PPP1R13B: variants seen among roughly 807,000 people sequenced by gnomAD.
PPP1R13B encodes apoptosis-stimulating of p53 protein 1.
Under a neutral mutation model 119.8 loss-of-function variants are expected in PPP1R13B, and 44 were observed. That is an observed-to-expected ratio of 0.37 (90% confidence interval 0.29 to 0.47). The LOEUF (loss-of-function observed/expected upper bound fraction) is 0.47. Ranked by LOEUF, PPP1R13B falls within the 20% of genes least tolerant of loss-of-function variation. The pLI is 0.99. For missense variants in PPP1R13B, 1,227 were observed against 1,413.5 expected (o/e 0.87, Z 2.12); for synonymous variants, 542 against 561.5 (o/e 0.97, Z 0.49).
intron 2 of PPP1R13B, among the ~76,000 whole-genome samples, chr14:103,796,258 G>A (rs2085754748): frequency 6.6e-6 from 1 of 152,050 alleles, no homozygotes; most frequent in South Asian, 2.1e-4. Context: ...TCTCCAGCCT[G>A]GGCAACAGAG....
intron 9 of PPP1R13B, among the ~76,000 whole-genome samples, chr14:103,744,774 G>A (rs1233603714): frequency 1.3e-5 from 2 of 152,218 alleles, no homozygotes; most frequent in Non-Finnish European, 2.9e-5. Flanking sequence ...CTGCCAGGAG[G>A]CTTCACAGCC....
chr14:103,750,253 G>C (rs1053900442), intron 7 of PPP1R13B, among the ~76,000 whole-genome samples: 1 of 152,188 alleles, frequency 6.6e-6, no homozygotes, highest in African/African-American at 2.4e-5. Flanking sequence ...CCACCCCATG[G>C]AGCTGCTTCA....
intron 2 of PPP1R13B, among the ~76,000 whole-genome samples, chr14:103,796,946 G>C (rs1191762934): frequency 6.6e-6 from 1 of 151,096 alleles, no homozygotes; most frequent in Non-Finnish European, 1.5e-5. Flanking sequence ...GAGAGACCAA[G>C]ACTCCATGTC....
At chr14:103,812,156 C>A (rs1447943462) in intron 1 of PPP1R13B, among the ~76,000 whole-genome samples, 2 of 120,754 alleles carry the variant, frequency 1.7e-5, no homozygotes, top group Non-Finnish European at 3.3e-5. Context: ...TCTAGACAGT[C>A]TCTGTCACCC....
At chr14:103,759,385 T>G (rs546855646) in intron 4 of PPP1R13B, 1 of 151,326 alleles carries the variant, frequency 6.6e-6, no homozygotes, top group South Asian at 2.1e-4. Context: ...TCACCCAGGC[T>G]GGGGTACAGT....
chr14:103,745,704 G>A (rs1425521910), intron 9 of PPP1R13B, among the ~76,000 whole-genome samples: 1 of 152,230 alleles, frequency 6.6e-6, no homozygotes, highest in African/African-American at 2.4e-5. Flanking sequence ...CACTTGGCTG[G>A]CTGTAGCCGA....
chr14:103,805,791 T>C (rs142624755), intron 1 of PPP1R13B, among the ~76,000 whole-genome samples: 5 of 152,326 alleles, frequency 3.3e-5, no homozygotes, highest in Non-Finnish European at 7.3e-5. Context: ...CCACATGTTA[T>C]ATGATTCCAT....
Position 103,742,053 on chromosome 14 carries a change from T to C in PPP1R13B, c.1559A>G (p.Gln520Arg), listed in dbSNP as rs781072457. ...PQPGSSQQIQ[Q>R]RISVPPSPTY... Reference sequence around the variant, plus strand: ...GGGACTTGGCGGTACGGAAATCCTCTGCTGAATCTGTTGTGAGGAGCCTGG... The same window carrying C: ...GGGACTTGGCGGTACGGAAATCCTCCGCTGAATCTGTTGTGAGGAGCCTGG... Residue 520 changes from glutamine to arginine, a missense_variant, in exon 11 of 17, where the codon CAG becomes CGG. Physicochemically the swap from Gln to Arg is conservative, Grantham distance 43. Coordinates refer to ENST00000202556, the MANE Select transcript of PPP1R13B (RefSeq NM_015316.3). This position sits in a 1 kb window ranked among gnomAD's most constrained non-coding sequence, Gnocchi z 4.9. 5.6e-6 allele frequency: 9 copies of C among 1,614,222 alleles called. No homozygotes were observed. The South Asian group carries it at 8.8e-5, about 16-fold the overall frequency.
At chr14:103,770,392 G>C (rs1201940455) in intron 4 of PPP1R13B, among the ~76,000 whole-genome samples, 2 of 152,076 alleles carry the variant, frequency 1.3e-5, no homozygotes, top group Admixed American at 6.6e-5. Context: ...GCGCATGCCT[G>C]TAGTCCCAGC....
chr14:103,797,270 C>A, intron 2 of PPP1R13B, 101 bp downstream of exon 2: 1 of 1,221,398 alleles, frequency 8.2e-7, no homozygotes, highest in Non-Finnish European at 1.1e-6. Flanking sequence ...ACTTTTTTTC[C>A]CCATCTTTAT....
Position 103,739,958 on chromosome 14 carries a change from T to A in PPP1R13B, c.2458A>T (p.Asn820Tyr). 6.2e-7 allele frequency: 1 copy of A among 1,614,128 alleles called. No individual in the cohort carries two copies. The highest frequency in any genetic ancestry group is 8.5e-7 in the Non-Finnish European group (1 of 1,180,034). ...THQTAEPAEDNNNNVATVPTT... is the reference protein window; with the variant it reads ...THQTAEPAEDYNNNVATVPTT... ...GGGACCGTGGCCACGTTGTTGTTAT[T>A]GTCCTCTGCCGGCTCGGCAGTTTGG... Residue 820 changes from asparagine to tyrosine, a missense_variant, in exon 12 of 17, where the codon AAT (asparagine) becomes TAT (tyrosine). Coordinates refer to ENST00000202556, the MANE Select transcript of PPP1R13B (RefSeq NM_015316.3).
At chr14:103,780,299 A>G (rs2085306333) in intron 3 of PPP1R13B, among the ~76,000 whole-genome samples, 1 of 151,730 alleles carries the variant, frequency 6.6e-6, no homozygotes, top group South Asian at 2.1e-4. Flanking sequence ...CAGCCTGGGC[A>G]ACAGCGTGAA....
chr14:103,810,513 C>T (rs1050342124), intron 1 of PPP1R13B, among the ~76,000 whole-genome samples: 4 of 152,142 alleles, frequency 2.6e-5, no homozygotes, highest in Non-Finnish European at 5.9e-5. Context: ...GTGGCTCATG[C>T]CTGTAATCCC....
In PPP1R13B at chr14:103,825,712, T is replaced by C. The variant is rs185674164; in HGVS notation, c.9+21587A>G. On this transcript the variant is annotated intron_variant, in intron 1 of 16. Coordinates refer to ENST00000202556, the MANE Select transcript of PPP1R13B (RefSeq NM_015316.3). The stretch of plus-strand genomic sequence containing the variant: ...GAGCTTCAAGGAAAGAAGTCATCTC[T>C]GTATCATAAAAGTGCAAGGTGAAAC... 3.2e-3 allele frequency among the ~76,000 whole-genome samples: 493 copies of C among 152,332 alleles called. 2 individuals carry two copies. The highest frequency in any genetic ancestry group is 5.2e-3 in the Non-Finnish European group (355 of 68,030).
At position 103,797,517 on chromosome 14, in the gene PPP1R13B, A is replaced by T. The variant is rs1282536941; in HGVS notation, c.11T>A (p.Met4Lys). 1 of 1,609,726 alleles carries T rather than the reference A, an allele frequency of 6.2e-7. No homozygotes were observed. Among genetic ancestry groups the T allele is most frequent in the Non-Finnish European group, 8.5e-7 (1 of 1,176,908 alleles). ...GTTGCTCAAGAAAACAGTTAATATC[A>T]TCTGTAAGACAAAAGAGTAAAGCTG... MMP[M>K]ILTVFLSNNE... The change falls in exon 2 of 17, where the codon ATG becomes AAG. Residue 4 changes from methionine (M) to lysine (K), a missense_variant and splice_region_variant. Transcript: ENST00000202556.
intron 1 of PPP1R13B, chr14:103,847,049 T>C: frequency 2.9e-6 from 3 of 1,032,270 alleles, no homozygotes; most frequent in Non-Finnish European, 3.5e-6. Flanking sequence ...ATGCATCTGC[T>C]TCTCCCCGCG....
At chr14:103,806,541 C>T (rs1045216386) in intron 1 of PPP1R13B, among the ~76,000 whole-genome samples, 2 of 152,100 alleles carry the variant, frequency 1.3e-5, no homozygotes, top group African/African-American at 4.8e-5. Flanking sequence ...TCCAGCAGGC[C>T]ACGCACCCCA....
At chr14:103,832,678 G>T (rs915745294) in intron 1 of PPP1R13B, among the ~76,000 whole-genome samples, 1 of 152,144 alleles carries the variant, frequency 6.6e-6, no homozygotes, top group Non-Finnish European at 1.5e-5. Context: ...AGATCCATCA[G>T]CTGGGCATGG....
chr14:103,833,412 G>A (rs1335662530), intron 1 of PPP1R13B, among the ~76,000 whole-genome samples: 1 of 152,124 alleles, frequency 6.6e-6, no homozygotes, highest in African/African-American at 2.4e-5. Flanking sequence ...GGGAGGCCGA[G>A]GCGAGTGGAT....
Sources: gnomAD v4.1 joint callset for allele counts (sites outside exome capture counted in the v4.1 genomes callset) on GRCh38, gnomAD v4.1.1 for gene constraint, Gnocchi (gnomAD v3.1) non-coding constraint, MANE v1.5 for transcripts, NCBI Gene and HGNC (gene_info 2026-07-23, HGNC 2026-07-21) for gene names.